DDR2: variants seen among roughly 807,000 people sequenced by gnomAD.
DDR2 encodes the protein discoidin domain-containing receptor 2.
Under a neutral mutation model 94.9 loss-of-function variants are expected in DDR2, and 27 were observed. The observed-to-expected ratio is 0.28, with a 90% CI of 0.21 to 0.39. DDR2 has a LOEUF of 0.39. DDR2 is among the 10% of genes least tolerant of loss of function. DDR2 has a pLI of 1.00. For synonymous variants in DDR2, 382 were observed against 377.2 expected, an observed-to-expected ratio of 1.01 and a Z score of -0.15; for missense variants, 783 against 1,076.0, an observed-to-expected ratio of 0.73 and a Z score of 3.81.
intron 3 of DDR2, among the ~76,000 whole-genome samples, chr1:162,745,411 C>T (rs930000586): frequency 6.6e-6 from 1 of 151,860 alleles, no homozygotes; most frequent in Non-Finnish European, 1.5e-5. Context: ...ATTGCTTAGA[C>T]CAATGTTTTT....
At chr1:162,645,926 T>C (rs2101895818) in intron 1 of DDR2, among the ~76,000 whole-genome samples, 1 of 152,318 alleles carries the variant, frequency 6.6e-6, no homozygotes. Context: ...TGCCTCAAGT[T>C]TCTGCTTATA....
chr1:162,746,172 T>A (rs938711422), intron 3 of DDR2, among the ~76,000 whole-genome samples: 2 of 152,176 alleles, frequency 1.3e-5, no homozygotes, highest in African/African-American at 4.8e-5. Context: ...GGGTGGGGCA[T>A]CGCCTCACCC....
chr1:162,750,286 T>C (rs1354142851), intron 3 of DDR2, among the ~76,000 whole-genome samples: 1 of 152,194 alleles, frequency 6.6e-6, no homozygotes, highest in Non-Finnish European at 1.5e-5. Flanking sequence ...ATCAGCAACT[T>C]CAGCAAAGTC....
intron 17 of DDR2, among the ~76,000 whole-genome samples, chr1:162,779,417 C>T (rs887013474): frequency 3.2e-4 from 49 of 152,146 alleles, no homozygotes; most frequent in Admixed American, 3.1e-3. Context: ...ACAGCATACC[C>T]TTGGATTATG....
At chr1:162,746,181 C>T (rs988268979) in intron 3 of DDR2, among the ~76,000 whole-genome samples, 14 of 152,244 alleles carry the variant, frequency 9.2e-5, no homozygotes, top group Middle Eastern at 6.8e-3. Flanking sequence ...ATCGCCTCAC[C>T]CAGGAAGTGC....
intron 3 of DDR2, among the ~76,000 whole-genome samples, chr1:162,737,711 C>T (rs945572695): frequency 7.1e-5 from 8 of 113,210 alleles, no homozygotes; most frequent in African/African-American, 2.7e-4. Flanking sequence ...ATTTCTAGTT[C>T]TAGATCCCTG....
At chr1:162,673,274 TG>T (rs1291052231) in intron 2 of DDR2, among the ~76,000 whole-genome samples, 1 of 152,136 alleles carries the variant, frequency 6.6e-6, no homozygotes, top group East Asian at 1.9e-4. Flanking sequence ...AGAAAGGGTA[TG>T]GGAACATCAC....
chr1:162,752,985 T>A lies in DDR2; in HGVS notation c.83-110T>A. ...GGGGCCATAGAGGAATTTAGGAAGA[T>A]GTAAATTCTCTTATTCCTTGTTCAA... is the stretch of plus-strand genomic sequence containing the variant. On this transcript the variant is annotated intron_variant, in intron 3 of 17. Coordinates refer to ENST00000367921, the MANE Select transcript of DDR2 (RefSeq NM_006182.4). 4 of 939,318 alleles carry A rather than the reference T, an allele frequency of 4.3e-6. No individual in the cohort carries two copies. The South Asian group carries it at 5.5e-5, about 13-fold the overall frequency. The allele number at this position is 939,318 out of a possible 1,614,324, so 58.2% of individuals were successfully genotyped here.
chr1:162,735,318 G>C (rs952204849), intron 3 of DDR2, among the ~76,000 whole-genome samples: 1 of 152,148 alleles, frequency 6.6e-6, no homozygotes, highest in Admixed American at 6.6e-5. Flanking sequence ...GGGGAGCGCT[G>C]ACATGTGTAA....
chr1:162,758,115 C>T (rs955961884), intron 7 of DDR2, among the ~76,000 whole-genome samples: 2 of 152,040 alleles, frequency 1.3e-5, no homozygotes, highest in Non-Finnish European at 2.9e-5. Flanking sequence ...ACTGAGAAGA[C>T]ATTCAGTAGA....
chr1:162,771,338 G>C (rs891992881), intron 12 of DDR2, among the ~76,000 whole-genome samples: 2 of 152,066 alleles, frequency 1.3e-5, no homozygotes, highest in Non-Finnish European at 2.9e-5. Context: ...AAGCAGACAG[G>C]ACTAAATTCA....
At chr1:162,729,411 G>T (rs1023477764) in intron 3 of DDR2, among the ~76,000 whole-genome samples, 2 of 147,796 alleles carry the variant, frequency 1.4e-5, no homozygotes, top group African/African-American at 2.5e-5. Context: ...AACCCTCACA[G>T]AATTTTTCAG....
At chr1:162,719,447 A>G (rs1661316351) in intron 3 of DDR2, among the ~76,000 whole-genome samples, 1 of 152,178 alleles carries the variant, frequency 6.6e-6, no homozygotes, top group Admixed American at 6.6e-5. Flanking sequence ...GCATCTTCTG[A>G]GAAAAACAGG....
chr1:162,776,815 T>A (rs1647587840), intron 16 of DDR2, among the ~76,000 whole-genome samples: 1 of 152,158 alleles, frequency 6.6e-6, no homozygotes, highest in African/African-American at 2.4e-5. Flanking sequence ...TCATCATTCT[T>A]TGCTTTATAA....
At position 162,656,833 on chromosome 1, in the gene DDR2, G is replaced by GTTTTTTTTTTTTTTTTTTTTTT. The variant is rs761726921; in HGVS notation, c.-28+1475_-28+1476insTTTTTTTTTTTTTTTTTTTTTT. ...GGTCTTTTCTTCCCCTGCCACTGGA[G>GTTTTTTTTTTTTTTTTTTTTTT]TTTTTTTTTTTTTTTTATTTTTTTT... On this transcript the variant is annotated intron_variant, in intron 2 of 17. Transcript: ENST00000367921. 3.0e-4 allele frequency among the ~76,000 whole-genome samples: 20 copies of GTTTTTTTTTTTTTTTTTTTTTT among 65,692 alleles called. 7 individuals are homozygous for GTTTTTTTTTTTTTTTTTTTTTT. The highest frequency in any genetic ancestry group is 4.5e-4 in the Non-Finnish European group (15 of 33,374). 43.1% of individuals were successfully genotyped at this position (65,692 alleles called of 152,430 possible). A position where few individuals can be genotyped will look rare whatever the true frequency, so the allele number is the denominator to read the frequency against.
rs1459773277 is a variant in DDR2, at chr1:162,719,063, G to C, written c.-1G>C. 2.5e-6 allele frequency: 4 copies of C among 1,613,826 alleles called. No homozygotes were observed. Among genetic ancestry groups the C allele is most frequent in the Non-Finnish European group, 3.4e-6 (4 of 1,179,778 alleles). On this transcript the variant is annotated 5_prime_UTR_variant, in exon 3 of 18. Transcript: ENST00000367921. The stretch of plus-strand genomic sequence containing the variant: ...CTCCAGTTCCAACACCATCTTCTGA[G>C]ATGATCCTGATTCCCAGAATGCTCT...
chr1:162,755,625 T>C, intron 6 of DDR2, 39 bp from the exon 7 acceptor site: 1 of 1,580,084 alleles, frequency 6.3e-7, no homozygotes, highest in Non-Finnish European at 8.7e-7. Flanking sequence ...GTAATGGGCC[T>C]GAGCAGTAGG....
rs1466616549 is a variant in DDR2 at position 162,783,456 on chromosome 1, G to A, written c.*3210G>A. 6.6e-6 allele frequency: 1 copy of A among 152,138 alleles called. No individual in the cohort carries two copies. The highest frequency in any genetic ancestry group is 6.5e-5 in the Admixed American group (1 of 15,268). The allele number at this position is 152,138 out of a possible 1,614,324, so 9.4% of individuals were successfully genotyped here. ...AGGGAGGAAGGTCAGGGCTAGAAAG[G>A]AGGCTACATAAAAAGGGGCAATGGA... On this transcript the variant is annotated 3_prime_UTR_variant, in exon 18 of 18. Transcript: ENST00000367921.
intron 3 of DDR2, among the ~76,000 whole-genome samples, chr1:162,720,884 A>T (rs1661387856): frequency 6.6e-6 from 1 of 152,174 alleles, no homozygotes; most frequent in African/African-American, 2.4e-5. Context: ...CCTTCATAAA[A>T]GTTCCATGTG....
Sources: gnomAD v4.1 joint callset for allele counts (sites outside exome capture counted in the v4.1 genomes callset) on GRCh38, gnomAD v4.1.1 for gene constraint, MANE v1.5 for transcripts, NCBI Gene and HGNC (gene_info 2026-07-23, HGNC 2026-07-21) for gene names.